The following ITGAV variants were observed in gnomAD, a reference collection of about 807,000 sequenced individuals.
ITGAV encodes the protein integrin alpha-V.
In ITGAV, 76 loss-of-function variants were observed where a neutral mutation model predicts 143.8. The ratio of observed to expected loss-of-function variants is 0.53; its 90% CI spans 0.44 to 0.64. ITGAV has a LOEUF of 0.64. ITGAV is among the 30% of genes least tolerant of loss of function. The probability of loss-of-function intolerance (pLI) is 0.00; values close to 1 mark genes in which losing one functional copy is unlikely to be tolerated. For synonymous variants in ITGAV, 453 were observed against 446.7 expected (o/e 1.01, Z -0.18); for missense variants, 1,193 against 1,274.7 (o/e 0.94, Z 0.98).
intron 16 of ITGAV, among the ~76,000 whole-genome samples, chr2:186,654,987 T>C (rs1457659781): frequency 6.6e-6 from 1 of 152,186 alleles, no homozygotes; most frequent in Admixed American, 6.5e-5. Flanking sequence ...GAATGTGACA[T>C]AATGAACTCT....
chr2:186,656,524 G>A, intron 17 of ITGAV, 123 bp downstream of exon 17: 7 of 706,314 alleles, frequency 9.9e-6, no homozygotes, highest in East Asian at 3.1e-5. Flanking sequence ...ATACACAAAG[G>A]AAATTTAGCT....
chr2:186,607,590 A>T (rs1274625106), intron 2 of ITGAV, among the ~76,000 whole-genome samples: 1 of 152,196 alleles, frequency 6.6e-6, no homozygotes, highest in Non-Finnish European at 1.5e-5. Flanking sequence ...GGACAAAAAA[A>T]AATCTATTGT....
intron 8 of ITGAV, among the ~76,000 whole-genome samples, chr2:186,637,318 G>GA (rs1215393245): frequency 6.6e-6 from 1 of 151,552 alleles, no homozygotes; most frequent in African/African-American, 2.4e-5. Flanking sequence ...CCTGCCTCTA[G>GA]AAAAAACACA....
rs767119814 is a variant in ITGAV at position 186,646,691 on chromosome 2, G to A, written c.1165G>A (p.Ala389Thr). The change falls in exon 13 of 30, where the codon GCA becomes ACA. Residue 389 changes from alanine (A) to threonine (T), a missense_variant. Ala to Thr is a moderately conservative substitution (Grantham distance 58). Transcript: ENST00000261023. Reference sequence around the variant, plus strand: ...TCCTCTTTTTTTCCCCACAGATATTGCAATTGCTGCTCCATATGGGGGTGA... The same window carrying A: ...TCCTCTTTTTTTCCCCACAGATATTACAATTGCTGCTCCATATGGGGGTGA... ...DLDQDGFNDI[A>T]IAAPYGGEDK... 31 of 1,550,478 alleles carry A rather than the reference G, an allele frequency of 2.0e-5. No individual in the cohort carries two copies. Among genetic ancestry groups the A allele is most frequent in the African/African-American group, 5.5e-5 (4 of 72,982 alleles).
chr2:186,645,855 C>G (rs965956456), intron 12 of ITGAV, among the ~76,000 whole-genome samples: 1 of 152,058 alleles, frequency 6.6e-6, no homozygotes, highest in Admixed American at 6.5e-5. Flanking sequence ...GCCTGTAGTC[C>G]TAGCTAATCG....
chr2:186,599,977 AT>A (rs1013764493), intron 1 of ITGAV, among the ~76,000 whole-genome samples: 1 of 151,786 alleles, frequency 6.6e-6, no homozygotes, highest in African/African-American at 2.4e-5. Flanking sequence ...TCCTTGTTCC[AT>A]TTTTTTCTCC....
chr2:186,644,700 A>G (rs1295895440), intron 12 of ITGAV, among the ~76,000 whole-genome samples: 4 of 152,278 alleles, frequency 2.6e-5, no homozygotes, highest in African/African-American at 9.6e-5. Flanking sequence ...AAGGATAACA[A>G]ATTCTTAGTT....
In ITGAV at chr2:186,636,071, C is replaced by T; in HGVS notation, c.632-11C>T. On this transcript the variant is annotated splice_polypyrimidine_tract_variant and intron_variant, in intron 6 of 29. Transcript: ENST00000261023. ...GAAGGTTATTTATTTTATATATACA[C>T]CCTTTTTTAGGTCAGCTTATTTCGG... The T allele has an allele frequency of 6.2e-7, 1 of 1,609,536 alleles. No individual in the cohort carries two copies. Among genetic ancestry groups the T allele is most frequent in the Non-Finnish European group, 8.5e-7 (1 of 1,177,844 alleles).
chr2:186,646,383 G>A (rs1330102673), intron 12 of ITGAV, among the ~76,000 whole-genome samples: 1 of 152,104 alleles, frequency 6.6e-6, no homozygotes, highest in African/African-American at 2.4e-5. Flanking sequence ...TTGGTTTAAG[G>A]TCAGAGCCAG....
intron 1 of ITGAV, 61 bp downstream of exon 1, chr2:186,590,584 C>T: frequency 6.8e-7 from 1 of 1,465,808 alleles, no homozygotes; most frequent in Non-Finnish European, 9.3e-7. Context: ...ACCCACCCAG[C>T]GTTTCTCCAT....
intron 17 of ITGAV, 125 bp from the exon 18 acceptor site, chr2:186,658,913 C>T: frequency 1.1e-5 from 6 of 559,258 alleles, no homozygotes; most frequent in South Asian, 6.4e-5. Flanking sequence ...TATAATTTTC[C>T]AGAGAATGTT....
rs1689330961 is a variant in ITGAV, at chr2:186,680,829, A to G, written c.*3537A>G. Reference sequence around the variant, plus strand: ...GCTAACTTGATTTGAGTTAGTGAAAACTGGTACAGTGTTCTGCTTGATTTA... The same window carrying G: ...GCTAACTTGATTTGAGTTAGTGAAAGCTGGTACAGTGTTCTGCTTGATTTA... On this transcript the variant is annotated 3_prime_UTR_variant, in exon 30 of 30. Coordinates refer to ENST00000261023, the MANE Select transcript of ITGAV (RefSeq NM_002210.5). 1 of 152,632 alleles carries G rather than the reference A, an allele frequency of 6.6e-6. No individual in the cohort carries two copies. Among genetic ancestry groups the G allele is most frequent in the Non-Finnish European group, 1.5e-5 (1 of 68,018 alleles). 9.5% of individuals were successfully genotyped at this position (152,632 alleles called of 1,614,324 possible).
rs1559040173 is a variant in ITGAV at position 186,605,774 on chromosome 2, CATATATTCTTATGTATATGTATA to C, written c.316+3650_316+3672del. Among the ~76,000 whole-genome samples the C allele has an allele frequency of 3.2e-3, 352 of 111,558 alleles. 111 individuals are homozygous for C. The highest frequency in any genetic ancestry group is 6.0e-3 in the Middle Eastern group (1 of 168). 73.2% of individuals were successfully genotyped at this position (111,558 alleles called of 152,430 possible). On this transcript the variant is annotated intron_variant, in intron 2 of 29. Coordinates refer to ENST00000261023, the MANE Select transcript of ITGAV (RefSeq NM_002210.5). ...TATATATATATTTATATGTATAATACATATATTCTTATGTATATGTATAATATATTCTTATGTATATGTATAAT... is the reference window on the plus strand; with the variant it reads ...TATATATATATTTATATGTATAATACATATATTCTTATGTATATGTATAAT...
chr2:186,672,921 G>C (rs1329460985), intron 26 of ITGAV, among the ~76,000 whole-genome samples: 1 of 152,066 alleles, frequency 6.6e-6, no homozygotes, highest in Non-Finnish European at 1.5e-5. Context: ...TTTTAAATCT[G>C]AAGTTCAATT....
At chr2:186,632,390 G>T (rs61765161) in intron 5 of ITGAV, among the ~76,000 whole-genome samples, 3,390 of 150,776 alleles carry the variant, frequency 0.022, 132 homozygotes, top group African/African-American at 0.079. Flanking sequence ...TGAGAAAAGG[G>T]TGTCTTTTTA....
chr2:186,676,650 G>A (rs35251833), intron 28 of ITGAV, among the ~76,000 whole-genome samples, 163 bp from the exon 29 acceptor site: 38,303 of 152,050 alleles, frequency 0.25, 5,174 homozygotes, highest in South Asian at 0.38. Flanking sequence ...TTTCATGTGT[G>A]TATGTGCATG....
At chr2:186,654,753 A>G (rs772276209) in intron 16 of ITGAV, 45 bp downstream of exon 16, 6 of 759,160 alleles carry the variant, frequency 7.9e-6, no homozygotes, top group Non-Finnish European at 1.1e-5. Context: ...GATACTGCAT[A>G]CACAGCACTT....
intron 12 of ITGAV, among the ~76,000 whole-genome samples, chr2:186,645,519 A>G (rs182923782): frequency 6.6e-6 from 1 of 152,250 alleles, no homozygotes; most frequent in East Asian, 1.9e-4. Context: ...CATGGTAAAC[A>G]ATGGAAATAC....
chr2:186,624,496 C>T (rs1418091922), intron 3 of ITGAV, among the ~76,000 whole-genome samples: 2 of 152,034 alleles, frequency 1.3e-5, no homozygotes, highest in African/African-American at 4.8e-5. Flanking sequence ...CACTCTGGAG[C>T]GTCAAGTACG....
Sources: gnomAD v4.1 joint callset for allele counts (sites outside exome capture counted in the v4.1 genomes callset) on GRCh38, gnomAD v4.1.1 for gene constraint, MANE v1.5 for transcripts, NCBI Gene and HGNC (gene_info 2026-07-23, HGNC 2026-07-21) for gene names.